Variants in RBMS3 observed in about 807,000 individuals in gnomAD.
RBMS3 encodes RNA-binding motif, single-stranded-interacting protein 3.
A neutral mutation model predicts 66.8 loss-of-function variants in RBMS3; 27 were observed. That is an observed-to-expected ratio of 0.40 (90% CI 0.30 to 0.56). The LOEUF (loss-of-function observed/expected upper bound fraction) is 0.56, where lower values mean the gene tolerates loss of function less well. RBMS3 is among the 20% of genes least tolerant of loss of function. The pLI, the probability that RBMS3 is intolerant of heterozygous loss-of-function variation, is 0.40. For synonymous variants in RBMS3, 188 were observed against 183.0 expected, an observed-to-expected ratio of 1.03 and a Z score of -0.22; for missense variants, 513 against 549.5, an observed-to-expected ratio of 0.93 and a Z score of 0.66.
intron 12 of RBMS3, among the ~76,000 whole-genome samples, chr3:29,985,063 G>A (rs1698282056): frequency 6.6e-6 from 1 of 152,188 alleles, no homozygotes; most frequent in Admixed American, 6.5e-5. Flanking sequence ...CCCCTAACTG[G>A]GGCTGCTGCC....
At chr3:29,945,194 G>A (rs1271952510) in intron 12 of RBMS3, among the ~76,000 whole-genome samples, 1 of 151,648 alleles carries the variant, frequency 6.6e-6, no homozygotes, top group Non-Finnish European at 1.5e-5. Context: ...AGAAACAAAG[G>A]TCAGAAATAG....
At chr3:29,575,180 G>T (rs1343452056) in intron 3 of RBMS3, among the ~76,000 whole-genome samples, 3 of 151,934 alleles carry the variant, frequency 2.0e-5, no homozygotes, top group African/African-American at 7.2e-5. Flanking sequence ...AGGCAGGTCT[G>T]GTGTTGATAA....
At chr3:29,770,395 A>G (rs2056146806) in intron 6 of RBMS3, among the ~76,000 whole-genome samples, 1 of 151,740 alleles carries the variant, frequency 6.6e-6, no homozygotes, top group Non-Finnish European at 1.5e-5. Flanking sequence ...TCAATAAGAT[A>G]TGGTTAATGC....
intron 1 of RBMS3, among the ~76,000 whole-genome samples, chr3:29,304,490 T>G (rs1435653591): frequency 1.3e-5 from 2 of 151,944 alleles, no homozygotes; most frequent in African/African-American, 4.8e-5. Context: ...AACACAATCA[T>G]GCTGACGAAG....
At chr3:29,900,901 A>G (rs1210014723) in intron 10 of RBMS3, among the ~76,000 whole-genome samples, 2 of 151,818 alleles carry the variant, frequency 1.3e-5, no homozygotes, top group Non-Finnish European at 2.9e-5. Flanking sequence ...CTAAATACGC[A>G]GACATCCATT....
In RBMS3 at chr3:29,900,957, G is replaced by A. The variant is rs184214694; in HGVS notation, c.939+1202G>A. Among the ~76,000 whole-genome samples the A allele has an allele frequency of 2.0e-5, 3 of 151,798 alleles. No individual in the cohort carries two copies. In the East Asian group the frequency reaches 5.9e-4, roughly 30 times the overall value. On this transcript the variant is annotated intron_variant, in intron 10 of 14. Transcript: ENST00000383767. ...AGAATCTGGCTTTCATATCTGAGCA[G>A]GGTCCATTTTATTTTTTTAAATAAG...
At chr3:29,695,347 G>A (rs993650191) in intron 4 of RBMS3, among the ~76,000 whole-genome samples, 5 of 152,176 alleles carry the variant, frequency 3.3e-5, no homozygotes, top group African/African-American at 1.2e-4. Flanking sequence ...AAGGTTAAAT[G>A]TAAGAATATG....
At position 29,689,662 on chromosome 3, in the gene RBMS3, G is replaced by A. The variant is rs78326607; in HGVS notation, c.400-50058G>A. The stretch of plus-strand genomic sequence containing the variant: ...ACTGATTAATTAGAAGGCTTGCTTT[G>A]TAAGGAAGCACTATGCAAATTATTT... On this transcript the variant is annotated intron_variant, in intron 4 of 14. Transcript: ENST00000383767. 1.5e-3 allele frequency among the ~76,000 whole-genome samples: 233 copies of A among 152,096 alleles called. 2 individuals are homozygous for A. Among genetic ancestry groups the A allele is most frequent in the African/African-American group, 5.3e-3 (221 of 41,524 alleles).
intron 4 of RBMS3, among the ~76,000 whole-genome samples, chr3:29,685,430 A>G (rs974911294): frequency 2.0e-5 from 3 of 152,018 alleles, no homozygotes; most frequent in African/African-American, 7.2e-5. Context: ...TTTCATTTGT[A>G]TATTTGATGT....
rs758354491 is a variant in RBMS3, at chr3:29,420,963, AT to A, written c.76-13778del. 4.7e-3 allele frequency among the ~76,000 whole-genome samples: 696 copies of A among 148,580 alleles called. 5 individuals are homozygous for A. The highest frequency in any genetic ancestry group is 0.031 in the East Asian group (151 of 4,902). ...ACTAAAAATGAAAAAAAAAAAAAAA[AT>A]TAACTGGGCGTGGTGGCGGGCGCCT... On this transcript the variant is annotated intron_variant, in intron 1 of 14. Coordinates refer to ENST00000383767, the MANE Select transcript of RBMS3 (RefSeq NM_001003793.3).
intron 5 of RBMS3, among the ~76,000 whole-genome samples, chr3:29,751,345 A>C (rs1451261359): frequency 1.3e-5 from 2 of 152,132 alleles, no homozygotes; most frequent in African/African-American, 2.4e-5. Context: ...AGATTTCCAT[A>C]AACCTTTTAT....
At chr3:29,774,420 C>G (rs912634896) in intron 6 of RBMS3, among the ~76,000 whole-genome samples, 13 of 151,936 alleles carry the variant, frequency 8.6e-5, no homozygotes, top group African/African-American at 2.9e-4. Flanking sequence ...AATAAAGGTC[C>G]ATTCAAAAGA....
rs547626806 is a variant in RBMS3 at position 29,460,300 on chromosome 3, G to C, written c.248+25385G>C. On this transcript the variant is annotated intron_variant, in intron 2 of 14. Coordinates refer to ENST00000383767, the MANE Select transcript of RBMS3 (RefSeq NM_001003793.3). ...AGTGCAGTGGATGAGATTTAGAACT[G>C]AATAAAATAAAATACAAAATGTTTG... Among the ~76,000 whole-genome samples the C allele has an allele frequency of 2.6e-5, 4 of 152,250 alleles. No homozygotes were observed. In the East Asian group the frequency reaches 7.7e-4, roughly 29 times the overall value.
intron 4 of RBMS3, among the ~76,000 whole-genome samples, chr3:29,734,357 C>T (rs1358255426): frequency 2.0e-5 from 3 of 152,012 alleles, no homozygotes; most frequent in East Asian, 3.9e-4. Context: ...CTATAATTAA[C>T]AATAATTTAT....
At chr3:29,609,013 T>A (rs1341652470) in intron 4 of RBMS3, among the ~76,000 whole-genome samples, 1 of 152,024 alleles carries the variant, frequency 6.6e-6, no homozygotes, top group African/African-American at 2.4e-5. Flanking sequence ...TGCTTACTTC[T>A]CACTATCTGA....
chr3:29,783,949 A>G (rs898154600), intron 6 of RBMS3, among the ~76,000 whole-genome samples: 2 of 152,186 alleles, frequency 1.3e-5, no homozygotes, highest in Non-Finnish European at 2.9e-5. Context: ...AAAAAGACAA[A>G]GAAGGACATT....
intron 1 of RBMS3, among the ~76,000 whole-genome samples, chr3:29,306,362 C>G (rs1443418149): frequency 6.6e-6 from 1 of 151,932 alleles, no homozygotes; most frequent in African/African-American, 2.4e-5. Flanking sequence ...CTATTGGCTT[C>G]TTCAGCTTAG....
intron 12 of RBMS3, among the ~76,000 whole-genome samples, chr3:29,963,886 T>G (rs1696651220): frequency 6.7e-6 from 1 of 149,576 alleles, no homozygotes; most frequent in Admixed American, 6.6e-5. Flanking sequence ...AAAATGGATG[T>G]AAAGAATGAA....
chr3:29,977,799 CATT>C (rs34268503), intron 12 of RBMS3, among the ~76,000 whole-genome samples: 18,168 of 151,828 alleles, frequency 0.12, 1,970 homozygotes, highest in African/African-American at 0.27. Flanking sequence ...TATGTCATCT[CATT>C]GTGCCGTGGT....
Sources: gnomAD v4.1 joint callset for allele counts (sites outside exome capture counted in the v4.1 genomes callset) on GRCh38, gnomAD v4.1.1 for gene constraint, MANE v1.5 for transcripts, NCBI Gene and HGNC (gene_info 2026-07-23, HGNC 2026-07-21) for gene names.